SLC26A9: variants seen among roughly 807,000 people sequenced by gnomAD.
SLC26A9 encodes anion transporter/exchanger protein 9.
In SLC26A9, 46 loss-of-function variants were observed where a neutral mutation model predicts 87.1. The observed-to-expected ratio is 0.53, with a 90% CI of 0.42 to 0.67. The LOEUF (loss-of-function observed/expected upper bound fraction) is 0.67. SLC26A9 is among the 30% of genes least tolerant of loss of function. The pLI, the probability that SLC26A9 is intolerant of heterozygous loss-of-function variation, is 0.00. For missense variants in SLC26A9, 927 were observed against 1,018.3 expected (o/e 0.91, Z 1.22); for synonymous variants, 437 against 409.1 (o/e 1.07, Z -0.82).
chr1:205,923,974 C>G (rs1194871084), intron 13 of SLC26A9, among the ~76,000 whole-genome samples: 1 of 152,186 alleles, frequency 6.6e-6, no homozygotes, highest in African/African-American at 2.4e-5. Flanking sequence ...GCCAAGACCC[C>G]TTCTCTGTAA....
At chr1:205,932,375 G>A (rs1359459340) in intron 4 of SLC26A9, among the ~76,000 whole-genome samples, 2 of 152,194 alleles carry the variant, frequency 1.3e-5, no homozygotes, top group African/African-American at 2.4e-5. Context: ...TGTAGTGGCC[G>A]GCTGGGACCA....
Position 205,914,394 on chromosome 1 carries a change from G to A in SLC26A9, c.*963C>T, listed in dbSNP as rs1658489183. On this transcript the variant is annotated 3_prime_UTR_variant, in exon 21 of 21. Coordinates refer to ENST00000367135, the MANE Select transcript of SLC26A9 (RefSeq NM_052934.4). ...TTCCCTGATGGGCCCTGGGGTCAAG[G>A]GGGACTGTCTGGGCCCAGGTCCCAT... 1 of 156,760 alleles carries A rather than the reference G, an allele frequency of 6.4e-6. No individual in the cohort carries two copies. Among genetic ancestry groups the A allele is most frequent in the African/African-American group, 2.4e-5 (1 of 41,496 alleles). The allele number at this position is 156,760 out of a possible 1,614,324, so 9.7% of individuals were successfully genotyped here.
chr1:205,937,524 C>G (rs1057385103), intron 1 of SLC26A9, among the ~76,000 whole-genome samples: 1 of 152,154 alleles, frequency 6.6e-6, no homozygotes, highest in African/African-American at 2.4e-5. Context: ...TAATAACAGT[C>G]GCAGGCAGAT....
intron 20 of SLC26A9, 94 bp downstream of exon 20, chr1:205,917,189 G>T: frequency 1.6e-6 from 2 of 1,243,058 alleles, no homozygotes; most frequent in South Asian, 1.3e-5. Flanking sequence ...GGCTGGAGGT[G>T]AGACAGCTGA....
At chr1:205,929,815 C>T (rs1158808034) in intron 6 of SLC26A9, 77 bp downstream of exon 6, 31 of 1,478,394 alleles carry the variant, frequency 2.1e-5, no homozygotes, top group Non-Finnish European at 9.0e-7. Flanking sequence ...GAGCTCACGA[C>T]ATCTTAAAAC....
chr1:205,924,763 A>C (rs1446463151), intron 12 of SLC26A9: 1 of 381,328 alleles, frequency 2.6e-6, no homozygotes, highest in African/African-American at 2.1e-5. Context: ...AAGAGCATGC[A>C]TCTTGGGTCA....
At chr1:205,933,768 C>T (rs959285043) in intron 2 of SLC26A9, among the ~76,000 whole-genome samples, 1 of 152,158 alleles carries the variant, frequency 6.6e-6, no homozygotes, top group Non-Finnish European at 1.5e-5. Context: ...ACTCCAATAC[C>T]GGAGTTCTTT....
At chr1:205,929,071 G>C in intron 7 of SLC26A9, 133 bp downstream of exon 7, 1 of 1,463,094 alleles carries the variant, frequency 6.8e-7, no homozygotes, top group South Asian at 1.3e-5. Context: ...CCACATACGG[G>C]GGATGGGATG....
intron 12 of SLC26A9, among the ~76,000 whole-genome samples, chr1:205,925,488 C>A (rs1010118782): frequency 6.6e-6 from 1 of 152,134 alleles, no homozygotes; most frequent in Non-Finnish European, 1.5e-5. Context: ...ACCACCATAG[C>A]GGGGGCTTGT....
chr1:205,928,848 A>G lies in SLC26A9; in HGVS notation c.932T>C (p.Ile311Thr). Residue 311 changes from isoleucine to threonine, a missense_variant, in exon 8 of 21, where the codon ATC (isoleucine) becomes ACC (threonine). Physicochemically the swap from Ile to Thr is moderately conservative, Grantham distance 89. Coordinates refer to ENST00000367135, the MANE Select transcript of SLC26A9 (RefSeq NM_052934.4). Reference protein sequence around the residue: ...CKMPKKYHMQIVGEIQRGFPT... With the variant: ...CKMPKKYHMQTVGEIQRGFPT... ...TCACCCGCGTTGGATTTCTCCCACG[A>G]TCTGCATGTGATACTTTTTGGGCAT... The G allele has an allele frequency of 1.2e-6, 2 of 1,614,064 alleles. No individual in the cohort carries two copies. Among genetic ancestry groups the G allele is most frequent in the East Asian group, 2.2e-5 (1 of 44,874 alleles).
chr1:205,927,846 T>C, intron 9 of SLC26A9, 56 bp downstream of exon 9: 1 of 1,585,272 alleles, frequency 6.3e-7, no homozygotes, highest in East Asian at 2.2e-5. Flanking sequence ...AGATATGTCA[T>C]GCCAGGCCTG....
intron 1 of SLC26A9, among the ~76,000 whole-genome samples, chr1:205,940,812 G>T (rs1659709360): frequency 1.3e-5 from 2 of 152,192 alleles, no homozygotes; most frequent in Non-Finnish European, 2.9e-5. Flanking sequence ...CCTGTCGGGG[G>T]TGTGCATGTG....
chr1:205,927,147 A>G (rs1172157774), intron 11 of SLC26A9, 64 bp downstream of exon 11: 11 of 1,563,638 alleles, frequency 7.0e-6, no homozygotes, highest in Non-Finnish European at 9.7e-6. Context: ...AGTGCCACAC[A>G]ACTCTCAGGG....
intron 1 of SLC26A9, among the ~76,000 whole-genome samples, chr1:205,942,094 T>C (rs1659771246): frequency 6.6e-6 from 1 of 152,212 alleles, no homozygotes; most frequent in Non-Finnish European, 1.5e-5. Context: ...TCAGTCTGGC[T>C]GTTTAGTACG....
chr1:205,930,523 C>A (rs183216657), intron 5 of SLC26A9, among the ~76,000 whole-genome samples: 2 of 152,262 alleles, frequency 1.3e-5, no homozygotes, highest in Admixed American at 6.5e-5. Flanking sequence ...TGCAGAGTCT[C>A]CCAACAGGTC....
In SLC26A9 at chr1:205,914,083, T is replaced by C. The variant is rs1414234052; in HGVS notation, c.*1274A>G. On this transcript the variant is annotated 3_prime_UTR_variant, in exon 21 of 21. Transcript: ENST00000367135. ...AGTAGGGTTCCTCTCAATACCTCCT[T>C]GTACATATGGAAAACTTAACCCCTA... 1.3e-5 allele frequency: 2 copies of C among 152,184 alleles called. No homozygotes were observed. The highest frequency in any genetic ancestry group is 2.9e-5 in the Non-Finnish European group (2 of 68,030). 9.4% of individuals were successfully genotyped at this position (152,184 alleles called of 1,614,324 possible).
chr1:205,925,946 C>T (rs1380618103), intron 12 of SLC26A9, among the ~76,000 whole-genome samples: 1 of 152,214 alleles, frequency 6.6e-6, no homozygotes, highest in African/African-American at 2.4e-5. Flanking sequence ...AATGTTTGCG[C>T]TCATGCGGTG....
At chr1:205,933,429 T>C (rs1659386872) in intron 2 of SLC26A9, among the ~76,000 whole-genome samples, 4 of 152,128 alleles carry the variant, frequency 2.6e-5, no homozygotes. Flanking sequence ...CTGAGTCCTG[T>C]CTGTCTGATC....
In SLC26A9 at chr1:205,921,555, G is replaced by A. The variant is rs115338967; in HGVS notation, c.2055+11C>T. 2.4e-3 allele frequency: 3,926 copies of A among 1,602,774 alleles called. 86 individuals are homozygous for A. In the African/African-American group the frequency reaches 0.045, roughly 18 times the overall value. On this transcript the variant is annotated intron_variant, in intron 17 of 20. Transcript: ENST00000367135. Reference sequence around the variant, plus strand: ...GGAGTGGGTGGTGCTTGCTGTTCCCGAGGGCCTCACCTTGGCCAGGGCCTT... The same window carrying A: ...GGAGTGGGTGGTGCTTGCTGTTCCCAAGGGCCTCACCTTGGCCAGGGCCTT...
Sources: gnomAD v4.1 joint callset for allele counts (sites outside exome capture counted in the v4.1 genomes callset) on GRCh38, gnomAD v4.1.1 for gene constraint, MANE v1.5 for transcripts, NCBI Gene and HGNC (gene_info 2026-07-23, HGNC 2026-07-21) for gene names.